DENND5B: variants seen among roughly 807,000 people sequenced by gnomAD.
The protein encoded by DENND5B is DENN domain containing 5B, also known as DENN domain-containing protein 5B.
In DENND5B, 34 loss-of-function variants were observed where a neutral mutation model predicts 140.6. The observed-to-expected ratio is 0.24, with a 90% confidence interval of 0.18 to 0.32. The LOEUF (loss-of-function observed/expected upper bound fraction) is 0.32. Ranked by LOEUF, DENND5B falls within the 10% of genes least tolerant of loss-of-function variation. The pLI, the probability that DENND5B is intolerant of heterozygous loss-of-function variation, is 1.00. For synonymous variants in DENND5B, 551 were observed against 562.1 expected, an observed-to-expected ratio of 0.98 and a Z score of 0.28; for missense variants, 1,142 against 1,560.2, an observed-to-expected ratio of 0.73 and a Z score of 4.52.
At chr12:31,531,192 C>G (rs1279483841) in intron 1 of DENND5B, among the ~76,000 whole-genome samples, 1 of 147,808 alleles carries the variant, frequency 6.8e-6, no homozygotes, top group Non-Finnish European at 1.5e-5. Context: ...TTAGAACTAA[C>G]TTTTTTTTTT....
intron 4 of DENND5B, among the ~76,000 whole-genome samples, chr12:31,453,400 G>A (rs1944625849): frequency 6.6e-6 from 1 of 152,084 alleles, no homozygotes; most frequent in African/African-American, 2.4e-5. Flanking sequence ...GAAAATTCAA[G>A]AGGCCAAGCA....
intron 1 of DENND5B, among the ~76,000 whole-genome samples, chr12:31,540,203 G>C (rs1291577176): frequency 6.6e-6 from 1 of 152,090 alleles, no homozygotes; most frequent in South Asian, 2.1e-4. Context: ...AAACACTGGA[G>C]CAAGAAATTG....
At chr12:31,426,240 C>T in intron 9 of DENND5B, 53 bp downstream of exon 9, 2 of 1,545,498 alleles carry the variant, frequency 1.3e-6, no homozygotes, top group South Asian at 2.5e-5. Context: ...CTTAGCCTCA[C>T]ACATGGTGTA....
At chr12:31,588,256 C>A (rs1489241170) in intron 1 of DENND5B, among the ~76,000 whole-genome samples, 3 of 152,118 alleles carry the variant, frequency 2.0e-5, no homozygotes, top group African/African-American at 7.2e-5. Context: ...CAAATGTCAC[C>A]CTCCCTGTGA....
chr12:31,579,813 A>T (rs996793238), intron 1 of DENND5B, among the ~76,000 whole-genome samples: 1 of 149,178 alleles, frequency 6.7e-6, no homozygotes, highest in African/African-American at 2.4e-5. Context: ...GAGAAGAGAG[A>T]AGAGAGAAGA....
intron 1 of DENND5B, among the ~76,000 whole-genome samples, chr12:31,585,554 T>C (rs1288052361): frequency 6.6e-6 from 1 of 152,212 alleles, no homozygotes; most frequent in Admixed American, 6.5e-5. Flanking sequence ...AGAATAACTA[T>C]GGAGCATAGT....
In DENND5B at chr12:31,557,852, C is replaced by T. The variant is rs986044799; in HGVS notation, c.127+32854G>A. ...AAAAAAAAAAAGACACAGAAATGCT[C>T]ACCACTTTAGCCACATCAAAACCAA... On this transcript the variant is annotated intron_variant, in intron 1 of 20. Transcript: ENST00000389082. 3.4e-5 allele frequency among the ~76,000 whole-genome samples: 5 copies of T among 145,684 alleles called. No homozygotes were observed. The South Asian group carries it at 1.1e-3, about 33-fold the overall frequency.
intron 3 of DENND5B, among the ~76,000 whole-genome samples, chr12:31,463,628 T>C (rs897760771): frequency 1.3e-5 from 2 of 152,224 alleles, no homozygotes; most frequent in African/African-American, 4.8e-5. Context: ...CAGTTCTGTA[T>C]TCTCTTCAAG....
chr12:31,392,938 C>G (rs1941227055), intron 17 of DENND5B, among the ~76,000 whole-genome samples: 1 of 152,330 alleles, frequency 6.6e-6, no homozygotes, highest in Non-Finnish European at 1.5e-5. Flanking sequence ...AATCTATAAC[C>G]CTAGCCTAGT....
Position 31,452,153 on chromosome 12 carries a change from G to A in DENND5B, c.1416C>T (p.Asp472=), listed in dbSNP as rs763268496. 6.2e-6 allele frequency: 10 copies of A among 1,613,822 alleles called. No homozygotes were observed. The highest frequency in any genetic ancestry group is 8.5e-6 in the Non-Finnish European group (10 of 1,179,902). ...KRTGVAVEKM[D]LSASLGEKDK... is the part of the protein sequence containing the mutation. ...CTTTTTCACCCAGAGAAGCAGAGAG[G>A]TCCATTTTTTCCACAGCCACACCAG... Residue 472 remains aspartate, a synonymous_variant, in exon 5 of 21, where the codon GAC becomes GAT. Transcript: ENST00000389082.
intron 1 of DENND5B, among the ~76,000 whole-genome samples, chr12:31,520,463 T>C (rs1947834265): frequency 6.6e-6 from 1 of 152,204 alleles, no homozygotes; most frequent in African/African-American, 2.4e-5. Context: ...ATAATGGAAC[T>C]GAAATAAACT....
At chr12:31,395,449 C>T (rs944948211) in intron 17 of DENND5B, among the ~76,000 whole-genome samples, 5 of 152,104 alleles carry the variant, frequency 3.3e-5, no homozygotes, top group Admixed American at 6.6e-5. Flanking sequence ...CAAAATTAGC[C>T]TCACGTGGCA....
chr12:31,515,922 T>C (rs548930743), intron 1 of DENND5B, among the ~76,000 whole-genome samples: 2 of 152,162 alleles, frequency 1.3e-5, no homozygotes, highest in Non-Finnish European at 2.9e-5. Flanking sequence ...AAAATTCAAC[T>C]GTTAGAGACA....
At chr12:31,559,110 C>G (rs1592050660) in intron 1 of DENND5B, among the ~76,000 whole-genome samples, 1 of 152,132 alleles carries the variant, frequency 6.6e-6, no homozygotes, top group Non-Finnish European at 1.5e-5. Flanking sequence ...AAACTTTCTA[C>G]CATCCTCGTA....
chr12:31,516,251 A>C (rs1337637693), intron 1 of DENND5B, among the ~76,000 whole-genome samples: 1 of 152,126 alleles, frequency 6.6e-6, no homozygotes, highest in Non-Finnish European at 1.5e-5. Context: ...TAAGGTGGGC[A>C]GATCACTTGA....
chr12:31,564,645 G>A (rs1949571941), intron 1 of DENND5B, among the ~76,000 whole-genome samples: 2 of 151,438 alleles, frequency 1.3e-5, no homozygotes, highest in South Asian at 4.2e-4. Flanking sequence ...CTGGAGAGCA[G>A]TGGCGAGATC....
At chr12:31,404,789 T>TTTTTTA (rs1306130185) in intron 14 of DENND5B, among the ~76,000 whole-genome samples, 1 of 58,466 alleles carries the variant, frequency 1.7e-5, no homozygotes, top group African/African-American at 6.3e-5. Flanking sequence ...GACAGAGTTT[T>TTTTTTA]GCTCTTGTGG....
At chr12:31,421,668 G>A (rs566316014) in intron 11 of DENND5B, among the ~76,000 whole-genome samples, 54 of 152,078 alleles carry the variant, frequency 3.6e-4, no homozygotes, top group African/African-American at 1.2e-3. Flanking sequence ...TCCTGACTCA[G>A]TCTCCTGAGT....
chr12:31,442,704 A>T (rs535818274), intron 7 of DENND5B, 71 bp downstream of exon 7: 1 of 1,510,902 alleles, frequency 6.6e-7, no homozygotes, highest in Admixed American at 2.1e-5. Context: ...AGCATTGTCC[A>T]TTTGAGTTGC....
Sources: gnomAD v4.1 joint callset for allele counts (sites outside exome capture counted in the v4.1 genomes callset) on GRCh38, gnomAD v4.1.1 for gene constraint, MANE v1.5 for transcripts, NCBI Gene and HGNC (gene_info 2026-07-23, HGNC 2026-07-21) for gene names.